The following HPSE2 variants were observed in gnomAD, a reference collection of about 807,000 sequenced individuals.
HPSE2 encodes inactive heparanase-2.
A neutral mutation model predicts 60.5 loss-of-function variants in HPSE2; 38 were observed. That is an observed-to-expected ratio of 0.63 (90% confidence interval 0.48 to 0.82). HPSE2 has a LOEUF of 0.82. Among genes scored for constraint, HPSE2 ranks in the 40% least tolerant of loss-of-function variants. HPSE2 has a pLI of 0.00. For missense variants in HPSE2, 713 were observed against 740.4 expected, an observed-to-expected ratio of 0.96 and a Z score of 0.43; for synonymous variants, 295 against 293.2, an observed-to-expected ratio of 1.01 and a Z score of -0.06.
chr10:99,198,709 A>G (rs1010316805), intron 2 of HPSE2, among the ~76,000 whole-genome samples: 1 of 152,200 alleles, frequency 6.6e-6, no homozygotes, highest in African/African-American at 2.4e-5. Flanking sequence ...GTAATAACAC[A>G]ACATGAGCTC....
At chr10:98,765,313 C>T (rs1414893672) in intron 3 of HPSE2, among the ~76,000 whole-genome samples, 1 of 151,980 alleles carries the variant, frequency 6.6e-6, no homozygotes, top group African/African-American at 2.4e-5. Flanking sequence ...TTTTATATGA[C>T]CATAATGGCA....
the HPSE2 span, among the ~76,000 whole-genome samples, chr10:99,272,238 C>A: frequency 6.7e-6 from 1 of 149,856 alleles, no homozygotes; most frequent in Non-Finnish European, 1.5e-5. Flanking sequence ...CCACTGCACT[C>A]CAGCCTGGGC....
intron 3 of HPSE2, among the ~76,000 whole-genome samples, chr10:98,762,950 A>G (rs151010073): frequency 6.6e-6 from 1 of 152,172 alleles, no homozygotes; most frequent in African/African-American, 2.4e-5. Context: ...ATCACCCATG[A>G]TGTAGTGATG....
intron 4 of HPSE2, among the ~76,000 whole-genome samples, chr10:98,728,493 C>T (rs1278403675): frequency 6.6e-6 from 1 of 152,084 alleles, no homozygotes; most frequent in Non-Finnish European, 1.5e-5. Flanking sequence ...TGCTGGGTAC[C>T]TGTAATCCCA....
chr10:98,994,537 A>T (rs1381799445), intron 3 of HPSE2, among the ~76,000 whole-genome samples: 1 of 152,222 alleles, frequency 6.6e-6, no homozygotes, highest in African/African-American at 2.4e-5. Context: ...TCAGTCTCAC[A>T]GCAGCCCACT....
rs1554912295 is a variant in HPSE2 at position 99,184,819 on chromosome 10, T to TATATATATATATAC, written c.449-40421_449-40420insGTATATATATATAT. ...ATATATATATATATATATATATATA[T>TATATATATATATAC]AGAGAGAGAGAGAGAGAGAGAGAGA... On this transcript the variant is annotated intron_variant, in intron 2 of 11. Transcript: ENST00000370552. 3.0e-4 allele frequency among the ~76,000 whole-genome samples: 6 copies of TATATATATATATAC among 19,868 alleles called. 1 individual carries two copies. The highest frequency in any genetic ancestry group is 8.3e-4 in the African/African-American group (5 of 6,012). The allele number at this position is 19,868 out of a possible 152,430, so 13.0% of individuals were successfully genotyped here. A position where few individuals can be genotyped will look rare whatever the true frequency, so the allele number is the denominator to read the frequency against.
Position 99,235,833 on chromosome 10 carries a change from A to G in HPSE2, c.-31T>C, listed in dbSNP as rs754704126. On this transcript the variant is annotated 5_prime_UTR_variant, in exon 1 of 12. Transcript: ENST00000370552. ...CCCTCTGATTTAAACCTCTCTTCCTACTGGGTCTCGCTAGTGACTAATTGT... is the reference window on the plus strand; with the variant it reads ...CCCTCTGATTTAAACCTCTCTTCCTGCTGGGTCTCGCTAGTGACTAATTGT... 30 of 1,597,852 alleles carry G rather than the reference A, an allele frequency of 1.9e-5. No homozygotes were observed. In the Admixed American group the frequency reaches 2.5e-4, roughly 13 times the overall value.
intron 2 of HPSE2, among the ~76,000 whole-genome samples, chr10:99,186,271 A>T (rs1848019913): frequency 6.6e-6 from 1 of 152,062 alleles, no homozygotes; most frequent in East Asian, 1.9e-4. Context: ...CAGACCGGGC[A>T]TGGTGGCTCA....
chr10:99,229,268 T>A (rs1419317077), intron 2 of HPSE2, among the ~76,000 whole-genome samples: 1 of 152,174 alleles, frequency 6.6e-6, no homozygotes, highest in Non-Finnish European at 1.5e-5. Context: ...CCATTCATTT[T>A]AACATTAGTA....
chr10:98,820,991 C>G (rs1951411471), intron 3 of HPSE2, among the ~76,000 whole-genome samples: 1 of 152,094 alleles, frequency 6.6e-6, no homozygotes. Context: ...ATCCAGTAAC[C>G]CTCCTTCCCC....
chr10:98,895,963 C>T (rs36168635), intron 3 of HPSE2, among the ~76,000 whole-genome samples: 9,934 of 146,950 alleles, frequency 0.068, 492 homozygotes, highest in Non-Finnish European at 0.11. Flanking sequence ...GAGGGATAGC[C>T]TTAGGAGATA....
chr10:99,218,774 G>A (rs890187460), intron 2 of HPSE2, among the ~76,000 whole-genome samples: 1 of 152,108 alleles, frequency 6.6e-6, no homozygotes. Flanking sequence ...TAGGTTACAT[G>A]TTTAGTTTCA....
intron 3 of HPSE2, among the ~76,000 whole-genome samples, chr10:98,989,455 A>G (rs894380412): frequency 2.1e-5 from 3 of 146,070 alleles, no homozygotes; most frequent in South Asian, 2.2e-4. Context: ...ATGAGAACAC[A>G]TGGACACAGG....
chr10:99,307,122 G>A, the HPSE2 span, among the ~76,000 whole-genome samples: 3 of 152,160 alleles, frequency 2.0e-5, no homozygotes, highest in Non-Finnish European at 4.4e-5. Context: ...CTGCCTGCTG[G>A]AGAGTTTGCA....
chr10:99,134,871 A>C (rs1432098576), intron 3 of HPSE2, among the ~76,000 whole-genome samples: 1 of 152,192 alleles, frequency 6.6e-6, no homozygotes, highest in African/African-American at 2.4e-5. Context: ...TAACAATATT[A>C]ACCTTAAATG....
Position 98,979,062 on chromosome 10 carries a change from G to A in HPSE2, c.610+165176C>T, listed in dbSNP as rs140182180. 1.1e-3 allele frequency among the ~76,000 whole-genome samples: 171 copies of A among 152,252 alleles called. 2 individuals are homozygous for A. The Middle Eastern group carries it at 0.017, about 15-fold the overall frequency. The stretch of plus-strand genomic sequence containing the variant: ...TGTGCTTTTTGTTGGTGATTCTGCT[G>A]TTTAAAATGGCTTCCAAGCACAGTG... On this transcript the variant is annotated intron_variant, in intron 3 of 11. Coordinates refer to ENST00000370552, the MANE Select transcript of HPSE2 (RefSeq NM_021828.5).
chr10:98,922,531 A>G (rs1229166751), intron 3 of HPSE2, among the ~76,000 whole-genome samples: 1 of 152,176 alleles, frequency 6.6e-6, no homozygotes, highest in South Asian at 2.1e-4. Context: ...AAACAACCAT[A>G]TGAGATTTGA....
At chr10:98,755,588 A>G (rs1393881514) in intron 3 of HPSE2, among the ~76,000 whole-genome samples, 1 of 152,230 alleles carries the variant, frequency 6.6e-6, no homozygotes, top group Non-Finnish European at 1.5e-5. Flanking sequence ...TGCACATGGC[A>G]CATGTTCTAT....
At chr10:98,807,738 T>C (rs868778100) in intron 3 of HPSE2, among the ~76,000 whole-genome samples, 2 of 152,240 alleles carry the variant, frequency 1.3e-5, no homozygotes, top group South Asian at 2.1e-4. Context: ...TCCTAAATGA[T>C]ATAAATGTAA....
Sources: gnomAD v4.1 joint callset for allele counts (sites outside exome capture counted in the v4.1 genomes callset) on GRCh38, gnomAD v4.1.1 for gene constraint, MANE v1.5 for transcripts, NCBI Gene and HGNC (gene_info 2026-07-23, HGNC 2026-07-21) for gene names.